Variants in PARN observed in about 807,000 individuals in gnomAD.
The protein encoded by PARN is poly(A)-specific ribonuclease.
A neutral mutation model predicts 102.8 loss-of-function variants in PARN; 71 were observed. That is an observed-to-expected ratio of 0.69 (90% CI 0.57 to 0.84). PARN has a LOEUF of 0.84. PARN is among the 40% of genes least tolerant of loss of function. The pLI, the probability that PARN is intolerant of heterozygous loss-of-function variation, is 0.00. For synonymous variants in PARN, 261 were observed against 252.9 expected, an observed-to-expected ratio of 1.03 and a Z score of -0.30; for missense variants, 782 against 760.9, an observed-to-expected ratio of 1.03 and a Z score of -0.33.
At chr16:14,562,117 C>T (rs1333721130) in intron 18 of PARN, among the ~76,000 whole-genome samples, 2 of 152,054 alleles carry the variant, frequency 1.3e-5, no homozygotes, top group African/African-American at 2.4e-5. Context: ...GCCTGGGGAA[C>T]AGAGTGAGAC....
chr16:14,580,592 T>A (rs1306150662), intron 18 of PARN, among the ~76,000 whole-genome samples: 1 of 151,894 alleles, frequency 6.6e-6, no homozygotes, highest in African/African-American at 2.4e-5. Context: ...CGGCCCCTCA[T>A]AGGAAATTTA....
Position 14,584,438 on chromosome 16 carries a change from C to A in PARN, c.1006-16G>T, listed in dbSNP as rs1322179265. 1 of 1,603,360 alleles carries A rather than the reference C, an allele frequency of 6.2e-7. No individual in the cohort carries two copies. Among genetic ancestry groups the A allele is most frequent in the Non-Finnish European group, 8.5e-7 (1 of 1,171,182 alleles). On this transcript the variant is annotated splice_polypyrimidine_tract_variant and intron_variant, in intron 15 of 23. Coordinates refer to ENST00000437198, the MANE Select transcript of PARN (RefSeq NM_002582.4). ...TAATGATATCCTGCAAACCACGAAG[C>A]AAAGAATTATGAGATTTCATCATCT...
intron 22 of PARN, among the ~76,000 whole-genome samples, chr16:14,480,356 T>C (rs1344956800): frequency 2.0e-5 from 3 of 152,012 alleles, no homozygotes; most frequent in Non-Finnish European, 2.9e-5. Flanking sequence ...ATCAAAAATA[T>C]ATGCTCATTT....
At chr16:14,595,458 A>T (rs1410380167) in intron 12 of PARN, among the ~76,000 whole-genome samples, 1 of 152,022 alleles carries the variant, frequency 6.6e-6, no homozygotes, top group Non-Finnish European at 1.5e-5. Context: ...TCAAACTCCC[A>T]TGCTCAAGCA....
intron 18 of PARN, among the ~76,000 whole-genome samples, chr16:14,580,616 C>A (rs1167174783): frequency 6.6e-6 from 1 of 152,082 alleles, no homozygotes; most frequent in African/African-American, 2.4e-5. Flanking sequence ...GCCAGAACTA[C>A]CAGTTCTTTT....
At chr16:14,552,715 G>C (rs569649666) in intron 20 of PARN, among the ~76,000 whole-genome samples, 1 of 152,120 alleles carries the variant, frequency 6.6e-6, no homozygotes, top group Non-Finnish European at 1.5e-5. Context: ...TTGGGAGGCC[G>C]AGGTGGGAGG....
intron 22 of PARN, among the ~76,000 whole-genome samples, chr16:14,451,480 C>T (rs1433196414): frequency 6.6e-6 from 1 of 152,136 alleles, no homozygotes; most frequent in Non-Finnish European, 1.5e-5. Context: ...TTACCTCCAA[C>T]AACACGGATG....
chr16:14,494,775 A>C (rs1367487953), intron 21 of PARN, among the ~76,000 whole-genome samples: 1 of 152,066 alleles, frequency 6.6e-6, no homozygotes, highest in African/African-American at 2.4e-5. Context: ...ATATGGAGAG[A>C]AAGGGCGGTG....
intron 21 of PARN, among the ~76,000 whole-genome samples, chr16:14,529,704 C>T (rs1293767031): frequency 3.9e-5 from 6 of 152,162 alleles, no homozygotes; most frequent in East Asian, 1.9e-4. Flanking sequence ...CACTGGTACT[C>T]GTTGGCAGGT....
intron 21 of PARN, among the ~76,000 whole-genome samples, chr16:14,493,533 C>G (rs775523817): frequency 6.6e-6 from 1 of 152,212 alleles, no homozygotes; most frequent in Non-Finnish European, 1.5e-5. Context: ...TCAATAAACA[C>G]TGGCACTGGG....
intron 21 of PARN, among the ~76,000 whole-genome samples, chr16:14,497,334 C>T (rs1232227487): frequency 2.0e-5 from 3 of 152,244 alleles, no homozygotes; most frequent in East Asian, 1.9e-4. Flanking sequence ...AACAAAAGAA[C>T]GTTTAGGACA....
intron 5 of PARN, among the ~76,000 whole-genome samples, chr16:14,624,944 G>C (rs1386731406): frequency 1.3e-5 from 2 of 152,094 alleles, no homozygotes; most frequent in Admixed American, 1.3e-4. Context: ...CAGCTACTCA[G>C]GAGGCTGACG....
At position 14,629,681 on chromosome 16, in the gene PARN, A is replaced by T. The variant is rs1189086739; in HGVS notation, c.20-7T>A. On this transcript the variant is annotated splice_polypyrimidine_tract_variant and splice_region_variant and intron_variant, in intron 1 of 23. Coordinates refer to ENST00000437198, the MANE Select transcript of PARN (RefSeq NM_002582.4). ...TGAAGATTACTCTTAAAATCTGCGG[A>T]GAAACCGAAAAGAGGCTCAGAACCA... 6.2e-7 allele frequency: 1 copy of T among 1,607,762 alleles called. No individual in the cohort carries two copies. The highest frequency in any genetic ancestry group is 8.5e-7 in the Non-Finnish European group (1 of 1,174,256).
intron 22 of PARN, among the ~76,000 whole-genome samples, chr16:14,480,011 A>C (rs1963292306): frequency 6.6e-6 from 1 of 152,070 alleles, no homozygotes; most frequent in Non-Finnish European, 1.5e-5. Context: ...AAACGGGAAA[A>C]AACTTAATAA....
intron 22 of PARN, among the ~76,000 whole-genome samples, chr16:14,452,990 A>G (rs1202514986): frequency 6.6e-6 from 1 of 152,242 alleles, no homozygotes; most frequent in Non-Finnish European, 1.5e-5. Context: ...GCGTGTGTGT[A>G]GCACTCTCAA....
intron 5 of PARN, 122 bp downstream of exon 5, chr16:14,626,984 G>A: frequency 1.5e-6 from 1 of 656,914 alleles, no homozygotes; most frequent in Non-Finnish European, 2.7e-6. Flanking sequence ...TAAAACTGAA[G>A]GTCAAAGGTG....
intron 21 of PARN, among the ~76,000 whole-genome samples, chr16:14,547,680 A>T (rs527950710): frequency 5.3e-4 from 80 of 152,306 alleles, no homozygotes; most frequent in Admixed American, 1.6e-3. Context: ...ACCACACTCC[A>T]GCTTGGGCAA....
intron 9 of PARN, among the ~76,000 whole-genome samples, chr16:14,607,724 T>C (rs772570682): frequency 5.3e-5 from 8 of 152,174 alleles, no homozygotes; most frequent in Admixed American, 1.3e-4. Context: ...CCAGTATACA[T>C]GTCACTGGTA....
intron 12 of PARN, among the ~76,000 whole-genome samples, chr16:14,594,695 G>A (rs1004704371): frequency 4.6e-5 from 7 of 152,108 alleles, no homozygotes; most frequent in East Asian, 1.9e-4. Flanking sequence ...CAGCCTGGGC[G>A]ACAGTCAGAC....
Sources: allele counts gnomAD v4.1 joint callset (sites outside exome capture counted in the v4.1 genomes callset), GRCh38; gene constraint gnomAD v4.1.1; transcripts MANE v1.5; gene names NCBI Gene and HGNC (gene_info 2026-07-23, HGNC 2026-07-21).